Variants in GPCPD1 observed in about 807,000 individuals in gnomAD.
The protein encoded by GPCPD1 is glycerophosphocholine phosphodiesterase GPCPD1.
Under a neutral mutation model 89.2 loss-of-function variants are expected in GPCPD1, and 29 were observed. The observed-to-expected ratio is 0.33, with a 90% confidence interval of 0.24 to 0.44. The LOEUF (loss-of-function observed/expected upper bound fraction) is 0.44, where lower values mean the gene tolerates loss of function less well. Among genes scored for constraint, GPCPD1 ranks in the 20% least tolerant of loss-of-function variants. The probability of loss-of-function intolerance (pLI) is 1.00; values close to 1 mark genes in which losing one functional copy is unlikely to be tolerated. For missense variants in GPCPD1, 594 were observed against 808.9 expected (o/e 0.73, Z 3.22); for synonymous variants, 258 against 266.3 (o/e 0.97, Z 0.30).
At chr20:5,554,023 C>G (rs1276203055) in intron 19 of GPCPD1, among the ~76,000 whole-genome samples, 2 of 136,192 alleles carry the variant, frequency 1.5e-5, no homozygotes, top group African/African-American at 2.9e-5. Context: ...GGCTGCAGTG[C>G]AGTGGTGTGA....
At position 5,554,764 on chromosome 20, in the gene GPCPD1, C is replaced by G. The variant is rs1029874682; in HGVS notation, c.1829+3181G>C. Among the ~76,000 whole-genome samples, 44 of 152,212 alleles carry G rather than the reference C, an allele frequency of 2.9e-4. 1 individual carries two copies. The highest frequency in any genetic ancestry group is 1.0e-3 in the African/African-American group (42 of 41,452). On this transcript the variant is annotated intron_variant, in intron 19 of 19. Coordinates refer to ENST00000379019, the MANE Select transcript of GPCPD1 (RefSeq NM_019593.5). Reference sequence around the variant, plus strand: ...TTCAAGTCTTATTACCTTAGAAATACATTTCAAAGACTGTAGCTGCCACAG... The same window carrying G: ...TTCAAGTCTTATTACCTTAGAAATAGATTTCAAAGACTGTAGCTGCCACAG...
rs1008847052 is a variant in GPCPD1 at position 5,597,546 on chromosome 20, C to T, written c.146+1179G>A. Among the ~76,000 whole-genome samples the T allele has an allele frequency of 6.6e-5, 10 of 152,302 alleles. No homozygotes were observed. In the East Asian group the frequency reaches 9.6e-4, roughly 15 times the overall value. The stretch of plus-strand genomic sequence containing the variant: ...AAAGTCTTTTGGACTGGTACTGGTG[C>T]ACAGGCCACATTTTAAGACATGCTG... On this transcript the variant is annotated intron_variant, in intron 3 of 19. Transcript: ENST00000379019.
chr20:5,570,090 A>G lies in GPCPD1; in HGVS notation c.1149+57T>C, dbSNP rs1025665497. 1.8e-5 allele frequency: 14 copies of G among 760,894 alleles called. No homozygotes were observed. The Admixed American group carries it at 2.9e-4, about 16-fold the overall frequency. The allele number at this position is 760,894 out of a possible 1,614,324, so 47.1% of individuals were successfully genotyped here. Reference sequence around the variant, plus strand: ...AATTAAAAATATAAAAAAACTTCCTAGTTTTTAAACCTTTTACTTAACATT... The same window carrying G: ...AATTAAAAATATAAAAAAACTTCCTGGTTTTTAAACCTTTTACTTAACATT... On this transcript the variant is annotated intron_variant, in intron 12 of 19. Transcript: ENST00000379019.
rs3057280 is a variant in GPCPD1, at chr20:5,568,230, G to GTATATATATATATATATACTTAGTA, written c.1150-671_1150-670insTACTAAGTATATATATATATATATA. On this transcript the variant is annotated intron_variant, in intron 12 of 19. Transcript: ENST00000379019. Reference sequence around the variant, plus strand: ...ATCATCTGTCCAACAAATATACTTAGTATATATATATATATACTTAGTATA... The same window carrying GTATATATATATATATATACTTAGTA: ...ATCATCTGTCCAACAAATATACTTAGTATATATATATATATATACTTAGTATATATATATATATATACTTAGTATA... 9.8e-4 allele frequency among the ~76,000 whole-genome samples: 142 copies of GTATATATATATATATATACTTAGTA among 145,544 alleles called. No individual in the cohort carries two copies. In the East Asian group the frequency reaches 0.012, roughly 12 times the overall value.
intron 6 of GPCPD1, among the ~76,000 whole-genome samples, chr20:5,582,559 C>CT (rs1978612810): frequency 6.6e-6 from 1 of 152,182 alleles, no homozygotes; most frequent in South Asian, 2.1e-4. Context: ...CGCCCACCCG[C>CT]TTTCCACCTT....
chr20:5,547,627 G>A lies in GPCPD1; in HGVS notation c.*34C>T, dbSNP rs1482136007. ...AAAAATGAATACCCAGAACAGCGGT[G>A]CACGCCCCCAAAATGACCTCTGTGC... On this transcript the variant is annotated 3_prime_UTR_variant, in exon 20 of 20. Transcript: ENST00000379019. The A allele has an allele frequency of 4.6e-5, 56 of 1,216,016 alleles. No individual in the cohort carries two copies. The highest frequency in any genetic ancestry group is 6.5e-5 in the Non-Finnish European group (54 of 834,136). 75.3% of individuals were successfully genotyped at this position (1,216,016 alleles called of 1,614,324 possible). A position where few individuals can be genotyped will look rare whatever the true frequency, so the allele number is the denominator to read the frequency against.
intron 8 of GPCPD1, among the ~76,000 whole-genome samples, chr20:5,577,063 T>C (rs1568660316): frequency 1.7e-5 from 2 of 114,628 alleles, no homozygotes; most frequent in African/African-American, 7.2e-5. Flanking sequence ...GTTTTTTTTT[T>C]TGTTTTTTTT....
At chr20:5,565,180 G>T in intron 14 of GPCPD1, 102 bp from the exon 15 acceptor site, 4 of 709,826 alleles carry the variant, frequency 5.6e-6, no homozygotes, top group South Asian at 4.7e-5. Flanking sequence ...AAGAGAGAGA[G>T]AGTGTGTGTG....
At chr20:5,568,230 G>GTGTA (rs1555804947) in intron 12 of GPCPD1, among the ~76,000 whole-genome samples, 1 of 145,536 alleles carries the variant, frequency 6.9e-6, no homozygotes, top group African/African-American at 2.5e-5. Flanking sequence ...AATATACTTA[G>GTGTA]TATATATATA....
At chr20:5,564,729 TGAGAGA>T (rs1986284867) in intron 15 of GPCPD1, among the ~76,000 whole-genome samples, 1 of 152,078 alleles carries the variant, frequency 6.6e-6, no homozygotes, top group South Asian at 2.1e-4. Flanking sequence ...TCCAGCTATT[TGAGAGA>T]CTGAGTGAGG....
chr20:5,553,489 T>C (rs1166869466), intron 19 of GPCPD1, among the ~76,000 whole-genome samples: 2 of 152,198 alleles, frequency 1.3e-5, no homozygotes, highest in South Asian at 2.1e-4. Flanking sequence ...AATAAAAAAC[T>C]AGAAATGATT....
chr20:5,582,776 C>T (rs1361149354), intron 6 of GPCPD1, among the ~76,000 whole-genome samples: 1 of 151,982 alleles, frequency 6.6e-6, no homozygotes, highest in African/African-American at 2.4e-5. Flanking sequence ...ATAGTCCCAG[C>T]TACTCAGCAG....
intron 6 of GPCPD1, among the ~76,000 whole-genome samples, chr20:5,582,186 CAAAAAAAAAAAAAAAAAAAAA>C (rs1164754193): frequency 3.6e-4 from 13 of 36,252 alleles, no homozygotes; most frequent in African/African-American, 1.3e-3. Context: ...ACTCCCGTCT[CAAAAAAAAAAAAAAAAAAAAA>C]AAAAAAAAAA....
intron 14 of GPCPD1, among the ~76,000 whole-genome samples, 153 bp from the exon 15 acceptor site, chr20:5,565,231 T>C (rs1986328408): frequency 6.6e-6 from 1 of 151,886 alleles, no homozygotes; most frequent in Non-Finnish European, 1.5e-5. Flanking sequence ...AGATCCCTTT[T>C]TTTTTTTTTA....
chr20:5,548,106 A>G (rs1359031667), intron 19 of GPCPD1, among the ~76,000 whole-genome samples: 1 of 152,238 alleles, frequency 6.6e-6, no homozygotes, highest in Non-Finnish European at 1.5e-5. Context: ...AACATAAAGC[A>G]GCTGAATCAG....
chr20:5,570,583 T>G (rs2122634746), intron 11 of GPCPD1, among the ~76,000 whole-genome samples: 1 of 152,286 alleles, frequency 6.6e-6, no homozygotes, highest in Admixed American at 6.5e-5. Context: ...TCCCACACAT[T>G]GCTGCCCACT....
intron 12 of GPCPD1, 170 bp from the exon 13 acceptor site, chr20:5,567,730 C>G: frequency 1.8e-6 from 1 of 562,550 alleles, no homozygotes; most frequent in East Asian, 3.3e-5. Context: ...CAGGACAGCC[C>G]TTCTAACCTA....
intron 1 of GPCPD1, among the ~76,000 whole-genome samples, chr20:5,606,048 T>C (rs1004217709): frequency 6.6e-6 from 1 of 152,232 alleles, no homozygotes; most frequent in African/African-American, 2.4e-5. Flanking sequence ...CTCCAAGCCT[T>C]TGAAGTTCTT....
At chr20:5,554,777 G>A (rs1472458237) in intron 19 of GPCPD1, among the ~76,000 whole-genome samples, 1 of 152,230 alleles carries the variant, frequency 6.6e-6, no homozygotes, top group African/African-American at 2.4e-5. Context: ...TTCAAAGACT[G>A]TAGCTGCCAC....
Sources: allele counts gnomAD v4.1 joint callset (sites outside exome capture counted in the v4.1 genomes callset), GRCh38; gene constraint gnomAD v4.1.1; transcripts MANE v1.5; gene names NCBI Gene and HGNC (gene_info 2026-07-23, HGNC 2026-07-21).